The following VRK2 variants were observed in gnomAD, a reference collection of about 807,000 sequenced individuals.
VRK2 encodes the protein serine/threonine-protein kinase VRK2.
Under a neutral mutation model 57.6 loss-of-function variants are expected in VRK2, and 60 were observed. The observed-to-expected ratio is 1.04, with a 90% CI of 0.85 to 1.29. The LOEUF (loss-of-function observed/expected upper bound fraction) is 1.29, where lower values mean the gene tolerates loss of function less well. VRK2 is among the 50% of genes most tolerant of loss of function. The pLI is 0.00. For missense variants in VRK2, 705 were observed against 588.1 expected, an observed-to-expected ratio of 1.20 and a Z score of -2.06; for synonymous variants, 231 against 199.2, an observed-to-expected ratio of 1.16 and a Z score of -1.35.
intron 2 of VRK2, among the ~76,000 whole-genome samples, chr2:58,080,214 T>G (rs1219304836): frequency 2.0e-5 from 3 of 152,032 alleles, no homozygotes; most frequent in African/African-American, 7.2e-5. Context: ...TATTTTCTGA[T>G]TTCCATTGTG....
chr2:58,044,442 G>A (rs1032501924), upstream of VRK2, among the ~76,000 whole-genome samples: 1 of 152,180 alleles, frequency 6.6e-6, no homozygotes, highest in Non-Finnish European at 1.5e-5. Context: ...TCTAGGGGTT[G>A]GGGATACAGT....
In VRK2 at chr2:58,159,697, T is replaced by C. The variant is rs367894688; in HGVS notation, c.*4T>C. ...TCTTGCTTTATTTTTTCTCTGAAGA[T>C]GATACCAAAATTCCTTTTGATAATT... On this transcript the variant is annotated 3_prime_UTR_variant, in exon 13 of 13. Transcript: ENST00000340157. 24 of 1,612,342 alleles carry C rather than the reference T, an allele frequency of 1.5e-5. No individual in the cohort carries two copies. Among genetic ancestry groups the C allele is most frequent in the Non-Finnish European group, 2.0e-5 (24 of 1,179,398 alleles).
intron 1 of VRK2, among the ~76,000 whole-genome samples, chr2:57,961,482 A>C (rs1246401073): frequency 6.6e-6 from 1 of 152,194 alleles, no homozygotes; most frequent in Non-Finnish European, 1.5e-5. Flanking sequence ...TTGACAAGTC[A>C]CACAGCTAGG....
At chr2:58,116,922 G>A (rs1412565864) in intron 7 of VRK2, among the ~76,000 whole-genome samples, 1 of 152,188 alleles carries the variant, frequency 6.6e-6, no homozygotes, top group Non-Finnish European at 1.5e-5. Flanking sequence ...GGCTGCTGCG[G>A]TTCAGGCGTT....
rs369771682 is a variant in VRK2, at chr2:58,050,788, C to G, written c.136+1821C>G. Reference sequence around the variant, plus strand: ...TGCATAGGCATGTGACTTACTTGTCCCTATTCAAATGCAGAAAAATATTTG... The same window carrying G: ...TGCATAGGCATGTGACTTACTTGTCGCTATTCAAATGCAGAAAAATATTTG... On this transcript the variant is annotated intron_variant, in intron 2 of 12. Transcript: ENST00000340157. 3.2e-4 allele frequency among the ~76,000 whole-genome samples: 48 copies of G among 152,122 alleles called. No homozygotes were observed. In the South Asian group the frequency reaches 9.3e-3, roughly 30 times the overall value.
intron 1 of VRK2, among the ~76,000 whole-genome samples, chr2:57,933,426 C>G (rs1452403564): frequency 7.0e-6 from 1 of 142,136 alleles, no homozygotes; most frequent in African/African-American, 2.7e-5. Flanking sequence ...GATTCTTCTG[C>G]CTCAGCCTCC....
intron 10 of VRK2, among the ~76,000 whole-genome samples, chr2:58,135,886 G>A (rs1558682787): frequency 6.6e-6 from 1 of 152,124 alleles, no homozygotes; most frequent in African/African-American, 2.4e-5. Flanking sequence ...GAGTTAGACT[G>A]TCTTATACGA....
In VRK2 at chr2:58,136,903, TC is replaced by T. The variant is rs1163219961; in HGVS notation, c.856+1705del. Among the ~76,000 whole-genome samples the T allele has an allele frequency of 8.2e-4, 11 of 13,390 alleles. No homozygotes were observed. The East Asian group carries it at 0.065, about 79-fold the overall frequency. The allele number at this position is 13,390 out of a possible 152,430, so 8.8% of individuals were successfully genotyped here. ...TATATCATATATATGTGTATATATA[TC>T]ATATATATATCATATATGTGTATAT... On this transcript the variant is annotated intron_variant, in intron 10 of 12. Coordinates refer to ENST00000340157, the MANE Select transcript of VRK2 (RefSeq NM_006296.7).
chr2:58,113,312 CAA>C (rs60456089), intron 7 of VRK2, among the ~76,000 whole-genome samples: 28 of 82,166 alleles, frequency 3.4e-4, no homozygotes, highest in Admixed American at 5.7e-4. Flanking sequence ...AACTCCGTCT[CAA>C]AAAAAAAAAA....
chr2:57,953,890 T>TA (rs1671502574), intron 1 of VRK2, among the ~76,000 whole-genome samples: 3 of 152,110 alleles, frequency 2.0e-5, no homozygotes, highest in African/African-American at 7.2e-5. Flanking sequence ...AAAAACTGAA[T>TA]AAAATCGTAT....
intron 1 of VRK2, among the ~76,000 whole-genome samples, chr2:57,925,154 T>A (rs1443673136): frequency 6.6e-6 from 1 of 152,098 alleles, no homozygotes; most frequent in Non-Finnish European, 1.5e-5. Context: ...TCAGAAATAT[T>A]GGCTGGAAGT....
At chr2:57,955,745 A>C (rs1452649243) in intron 1 of VRK2, among the ~76,000 whole-genome samples, 2 of 152,224 alleles carry the variant, frequency 1.3e-5, no homozygotes. Context: ...GTATCCTGGA[A>C]CTTAAAATAG....
At chr2:58,031,160 T>C (rs1377074118) in intron 2 of VRK2, among the ~76,000 whole-genome samples, 1 of 152,076 alleles carries the variant, frequency 6.6e-6, no homozygotes, top group East Asian at 1.9e-4. Flanking sequence ...ATGTCACAAA[T>C]AAATGGTAAG....
At chr2:57,963,145 C>G (rs1671810832) in intron 1 of VRK2, among the ~76,000 whole-genome samples, 1 of 152,324 alleles carries the variant, frequency 6.6e-6, no homozygotes, top group East Asian at 1.9e-4. Context: ...CTAGATGTCA[C>G]AGCTAGTTCC....
rs143894742 is a variant in VRK2, at chr2:58,084,234, C to G, written c.186+96C>G. On this transcript the variant is annotated intron_variant, in intron 3 of 12. Coordinates refer to ENST00000340157, the MANE Select transcript of VRK2 (RefSeq NM_006296.7). ...TCACGTTAATTTTTGTAACTATTGCCTTATCAGTAAACCTAATGTTATCAT... is the reference window on the plus strand; with the variant it reads ...TCACGTTAATTTTTGTAACTATTGCGTTATCAGTAAACCTAATGTTATCAT... 23 of 1,269,332 alleles carry G rather than the reference C, an allele frequency of 1.8e-5. No homozygotes were observed. In the African/African-American group the frequency reaches 3.3e-4, roughly 18 times the overall value. The allele number at this position is 1,269,332 out of a possible 1,614,324, so 78.6% of individuals were successfully genotyped here. A position where few individuals can be genotyped will look rare whatever the true frequency, so the allele number is the denominator to read the frequency against.
At chr2:57,953,579 T>C (rs1671492692) in intron 1 of VRK2, among the ~76,000 whole-genome samples, 1 of 152,206 alleles carries the variant, frequency 6.6e-6, no homozygotes. Flanking sequence ...AGGTAGTTAT[T>C]ATAGTTCCTG....
At chr2:57,926,598 A>C (rs1046295297) in intron 1 of VRK2, among the ~76,000 whole-genome samples, 5 of 151,336 alleles carry the variant, frequency 3.3e-5, no homozygotes, top group Non-Finnish European at 2.9e-5. Flanking sequence ...TGATATAATG[A>C]CCTTATTGTT....
chr2:58,008,035 C>A (rs1673304790), intron 1 of VRK2, among the ~76,000 whole-genome samples: 1 of 151,816 alleles, frequency 6.6e-6, no homozygotes, highest in Middle Eastern at 3.4e-3. Flanking sequence ...AACATAAAAA[C>A]CACAAGAAAA....
intron 11 of VRK2, among the ~76,000 whole-genome samples, chr2:58,144,343 T>C (rs1343574303): frequency 6.6e-6 from 1 of 152,002 alleles, no homozygotes; most frequent in Non-Finnish European, 1.5e-5. Flanking sequence ...CTGTAGTTAG[T>C]AATACTGTGT....
Sources: allele counts gnomAD v4.1 joint callset (sites outside exome capture counted in the v4.1 genomes callset), GRCh38; gene constraint gnomAD v4.1.1; transcripts MANE v1.5; gene names NCBI Gene and HGNC (gene_info 2026-07-23, HGNC 2026-07-21).